The following CDH13 variants were observed in gnomAD, a reference collection of about 807,000 sequenced individuals.
The protein encoded by CDH13 is cadherin-13.
A neutral mutation model predicts 63.8 loss-of-function variants in CDH13; 24 were observed. That is an observed-to-expected ratio of 0.38 (90% CI 0.27 to 0.53). The LOEUF (loss-of-function observed/expected upper bound fraction) is 0.53, where lower values mean the gene tolerates loss of function less well. Ranked by LOEUF, CDH13 falls within the 20% of genes least tolerant of loss-of-function variation. The pLI is 0.85. For missense variants in CDH13, 1,049 were observed against 903.1 expected (o/e 1.16, Z -2.07); for synonymous variants, 503 against 355.3 (o/e 1.42, Z -4.67).
At chr16:83,162,703 A>G (rs2037499029) in intron 4 of CDH13, among the ~76,000 whole-genome samples, 2 of 152,178 alleles carry the variant, frequency 1.3e-5, no homozygotes, top group Middle Eastern at 6.8e-3. Flanking sequence ...CACTACCACT[A>G]CCACCACCCT....
intron 1 of CDH13, among the ~76,000 whole-genome samples, chr16:82,674,482 A>G (rs984168432): frequency 6.6e-6 from 1 of 152,238 alleles, no homozygotes; most frequent in Non-Finnish European, 1.5e-5. Context: ...TCTCCATGAT[A>G]TCAAACTGAA....
intron 7 of CDH13, among the ~76,000 whole-genome samples, chr16:83,566,659 G>C (rs1386913443): frequency 1.3e-5 from 2 of 152,158 alleles, no homozygotes; most frequent in Non-Finnish European, 2.9e-5. Context: ...CATCAGATGG[G>C]AGGTTCTGGT....
intron 7 of CDH13, among the ~76,000 whole-genome samples, chr16:83,511,516 C>T (rs373509543): frequency 6.6e-6 from 1 of 151,684 alleles, no homozygotes; most frequent in Non-Finnish European, 1.5e-5. Flanking sequence ...CACACTCGCA[C>T]ATACACCTAC....
chr16:83,492,816 T>C (rs1176624099), intron 7 of CDH13, among the ~76,000 whole-genome samples: 4 of 152,164 alleles, frequency 2.6e-5, no homozygotes, highest in African/African-American at 9.7e-5. Flanking sequence ...CCACTCTGGA[T>C]AAATTCTAGA....
chr16:83,345,655 C>G (rs1001093719), intron 6 of CDH13, among the ~76,000 whole-genome samples: 5 of 151,862 alleles, frequency 3.3e-5, no homozygotes, highest in Non-Finnish European at 5.9e-5. Flanking sequence ...CCTTTTTTGC[C>G]CCAATACATA....
At chr16:83,180,800 T>C (rs529730976) in intron 4 of CDH13, 23 of 1,008,740 alleles carry the variant, frequency 2.3e-5, no homozygotes, top group African/African-American at 2.0e-4. Flanking sequence ...TCCATGATGC[T>C]GTAGTCATTT....
intron 6 of CDH13, among the ~76,000 whole-genome samples, chr16:83,431,692 G>C (rs970214701): frequency 6.6e-6 from 1 of 152,104 alleles, no homozygotes. Flanking sequence ...AAGAGAGCAA[G>C]AGGGGAAGTG....
At chr16:83,576,930 A>G (rs1021742687) in intron 7 of CDH13, among the ~76,000 whole-genome samples, 14 of 152,198 alleles carry the variant, frequency 9.2e-5, no homozygotes, top group Admixed American at 7.9e-4. Context: ...GAATATTTTT[A>G]TTCCATTCTG....
intron 6 of CDH13, among the ~76,000 whole-genome samples, chr16:83,390,844 G>C (rs1241574254): frequency 6.6e-6 from 1 of 152,166 alleles, no homozygotes; most frequent in Non-Finnish European, 1.5e-5. Flanking sequence ...CCTCAACTCA[G>C]GGGAAGATTT....
intron 4 of CDH13, chr16:83,171,470 G>C (rs1263913843): frequency 4.3e-6 from 6 of 1,408,086 alleles, no homozygotes; most frequent in South Asian, 1.2e-5. Flanking sequence ...TTTCTAATTA[G>C]GTTACTCATT....
At chr16:82,849,670 C>A (rs1269757105) in intron 1 of CDH13, among the ~76,000 whole-genome samples, 1 of 152,216 alleles carries the variant, frequency 6.6e-6, no homozygotes, top group Non-Finnish European at 1.5e-5. Flanking sequence ...AAGATCCCAT[C>A]TAGGACTTTC....
chr16:83,390,591 C>G (rs898835888), intron 6 of CDH13, among the ~76,000 whole-genome samples: 1 of 151,898 alleles, frequency 6.6e-6, no homozygotes, highest in Non-Finnish European at 1.5e-5. Flanking sequence ...TTTCTATTAT[C>G]AACAAGAATA....
At chr16:83,653,721 C>G (rs1286721067) in intron 8 of CDH13, among the ~76,000 whole-genome samples, 1 of 152,114 alleles carries the variant, frequency 6.6e-6, no homozygotes, top group African/African-American at 2.4e-5. Flanking sequence ...TCTTACCCTG[C>G]TTTATTTTTC....
At chr16:83,433,081 A>C (rs942210852) in intron 6 of CDH13, among the ~76,000 whole-genome samples, 4 of 152,160 alleles carry the variant, frequency 2.6e-5, no homozygotes, top group Non-Finnish European at 5.9e-5. Flanking sequence ...CTGGGGAATG[A>C]GAGGCACAGA....
At chr16:83,672,020 A>G (rs1203111843) in intron 9 of CDH13, among the ~76,000 whole-genome samples, 2 of 152,180 alleles carry the variant, frequency 1.3e-5, no homozygotes, top group East Asian at 1.9e-4. Context: ...GGATGAAGCC[A>G]TTTGCCTGAG....
At chr16:83,376,191 A>C (rs2091456670) in intron 6 of CDH13, among the ~76,000 whole-genome samples, 1 of 152,174 alleles carries the variant, frequency 6.6e-6, no homozygotes, top group African/African-American at 2.4e-5. Context: ...CCCTTCATAA[A>C]AGTATTGTTC....
chr16:83,144,586 C>G (rs2036666718), intron 4 of CDH13, among the ~76,000 whole-genome samples: 1 of 152,158 alleles, frequency 6.6e-6, no homozygotes, highest in Non-Finnish European at 1.5e-5. Context: ...AAATAAATAG[C>G]TATTCCTGGA....
intron 2 of CDH13, among the ~76,000 whole-genome samples, chr16:82,968,445 GGGGTT>G (rs1489666842): frequency 6.6e-6 from 1 of 152,176 alleles, no homozygotes; most frequent in Non-Finnish European, 1.5e-5. Context: ...AGGGATGAAG[GGGGTT>G]AAGTGACAGT....
At chr16:83,385,958 A>G (rs1208727802) in intron 6 of CDH13, among the ~76,000 whole-genome samples, 1 of 152,218 alleles carries the variant, frequency 6.6e-6, no homozygotes, top group Non-Finnish European at 1.5e-5. Context: ...TGGAATATGA[A>G]CTATGACCAT....
Sources: gnomAD v4.1 joint callset for allele counts (sites outside exome capture counted in the v4.1 genomes callset) on GRCh38, gnomAD v4.1.1 for gene constraint, MANE v1.5 for transcripts, NCBI Gene and HGNC (gene_info 2026-07-23, HGNC 2026-07-21) for gene names.